PDCD6IP: variants seen among roughly 807,000 people sequenced by gnomAD.
The protein encoded by PDCD6IP is programmed cell death 6-interacting protein.
In PDCD6IP, 43 loss-of-function variants were observed where a neutral mutation model predicts 103.7. The ratio of observed to expected loss-of-function variants is 0.41; its 90% CI spans 0.32 to 0.53. The LOEUF is 0.53. PDCD6IP is among the 20% of genes least tolerant of loss of function. PDCD6IP has a pLI of 0.16. For synonymous variants in PDCD6IP, 354 were observed against 378.7 expected (o/e 0.93, Z 0.76); for missense variants, 871 against 1,036.7 (o/e 0.84, Z 2.20).
chr3:33,837,733 C>T (rs1356954154), intron 8 of PDCD6IP, among the ~76,000 whole-genome samples: 1 of 152,128 alleles, frequency 6.6e-6, no homozygotes, highest in East Asian at 1.9e-4. Context: ...GGACTACAGG[C>T]TCCTACCATT....
rs865775351 is a variant in PDCD6IP at position 33,852,396 on chromosome 3, C to T, written c.1642-92C>T. On this transcript the variant is annotated intron_variant, in intron 12 of 17. Transcript: ENST00000307296. ...CTCTGAGAAATCATCTCTCTCTCAG[C>T]CCGAATGAACCTTTATATATTATTT... 24 of 1,437,926 alleles carry T rather than the reference C, an allele frequency of 1.7e-5. No homozygotes were observed. The Middle Eastern group carries it at 3.7e-3, about 220-fold the overall frequency. 89.1% of individuals were successfully genotyped at this position (1,437,926 alleles called of 1,614,324 possible).
At chr3:33,801,024 A>G (rs1172873380) in intron 1 of PDCD6IP, among the ~76,000 whole-genome samples, 3 of 152,174 alleles carry the variant, frequency 2.0e-5, no homozygotes, top group Admixed American at 6.5e-5. Flanking sequence ...GAAACTAACC[A>G]TGTTTCTTTA....
At chr3:33,812,181 G>A (rs1338814200) in intron 2 of PDCD6IP, 55 bp downstream of exon 2, 23 of 1,557,458 alleles carry the variant, frequency 1.5e-5, no homozygotes, top group Non-Finnish European at 1.1e-5. Flanking sequence ...ATTTCCTTCT[G>A]CCAATATCTT....
chr3:33,846,751 A>G (rs1480114454), intron 12 of PDCD6IP, among the ~76,000 whole-genome samples: 1 of 152,222 alleles, frequency 6.6e-6, no homozygotes, highest in Non-Finnish European at 1.5e-5. Context: ...TTGTGACAGA[A>G]GGTTTACAGA....
intron 3 of PDCD6IP, among the ~76,000 whole-genome samples, chr3:33,815,191 A>G (rs993180894): frequency 6.6e-6 from 1 of 150,750 alleles, no homozygotes; most frequent in African/African-American, 2.4e-5. Flanking sequence ...TATAATGTTA[A>G]TTTAATAATA....
rs373934262 is a variant in PDCD6IP, at chr3:33,822,114, T to G, written c.462+32T>G. On this transcript the variant is annotated intron_variant, in intron 4 of 17. Coordinates refer to ENST00000307296, the MANE Select transcript of PDCD6IP (RefSeq NM_013374.6). ...TGAAAAGTAGTTACTACAATAATGG[T>G]CAACACTAAATTGGATTAAGTGGAA... The G allele has an allele frequency of 1.6e-5, 25 of 1,605,912 alleles. No individual in the cohort carries two copies. The African/African-American group carries it at 2.7e-4, about 17-fold the overall frequency.
At chr3:33,813,935 A>G (rs1311755919) in intron 3 of PDCD6IP, among the ~76,000 whole-genome samples, 1 of 152,230 alleles carries the variant, frequency 6.6e-6, no homozygotes. Context: ...TATATGAGGA[A>G]GAAAGTAATT....
chr3:33,821,537 G>A (rs1230266723), intron 3 of PDCD6IP, among the ~76,000 whole-genome samples: 3 of 152,034 alleles, frequency 2.0e-5, no homozygotes, highest in African/African-American at 7.2e-5. Flanking sequence ...GGAGGTAATT[G>A]CATTGACTTA....
chr3:33,863,980 A>G (rs1000411395), intron 15 of PDCD6IP, 26 bp from the exon 16 acceptor site: 1 of 1,530,962 alleles, frequency 6.5e-7, no homozygotes, highest in Non-Finnish European at 9.0e-7. Flanking sequence ...TATCATGTTA[A>G]TTTTTAACAC....
chr3:33,807,157 A>C (rs1013933861), intron 1 of PDCD6IP, among the ~76,000 whole-genome samples: 3 of 152,156 alleles, frequency 2.0e-5, no homozygotes, highest in Non-Finnish European at 4.4e-5. Flanking sequence ...TGGGTATAAA[A>C]ATTTTAGTGC....
At chr3:33,834,873 A>G (rs1697314406) in intron 7 of PDCD6IP, among the ~76,000 whole-genome samples, 1 of 152,128 alleles carries the variant, frequency 6.6e-6, no homozygotes, top group Admixed American at 6.5e-5. Context: ...CAAACTCGTT[A>G]ATTGTGTTGC....
intron 2 of PDCD6IP, among the ~76,000 whole-genome samples, chr3:33,812,419 T>A (rs1057487062): frequency 2.0e-5 from 3 of 152,224 alleles, no homozygotes; most frequent in African/African-American, 7.2e-5. Flanking sequence ...TTCCTTTGAC[T>A]TTTTCAGAAT....
Position 33,818,351 on chromosome 3 carries a change from G to A in PDCD6IP, c.335-3604G>A, listed in dbSNP as rs188299438. ...TCGAACTCCTGACCTCAAGAGCTCC[G>A]CCCACCTTGCCTTCCCAAAGTGCTG... On this transcript the variant is annotated intron_variant, in intron 3 of 17. Transcript: ENST00000307296. 3.3e-3 allele frequency among the ~76,000 whole-genome samples: 492 copies of A among 149,590 alleles called. 2 individuals are homozygous for A. The highest frequency in any genetic ancestry group is 3.2e-3 in the Non-Finnish European group (216 of 67,352).
intron 1 of PDCD6IP, among the ~76,000 whole-genome samples, chr3:33,802,395 GATA>G (rs959372229): frequency 6.6e-6 from 1 of 152,120 alleles, no homozygotes; most frequent in African/African-American, 2.4e-5. Flanking sequence ...AGGATAGACT[GATA>G]ATGATGTAGT....
chr3:33,807,253 T>C (rs1265856731), intron 1 of PDCD6IP, among the ~76,000 whole-genome samples: 2 of 152,244 alleles, frequency 1.3e-5, no homozygotes, highest in Non-Finnish European at 2.9e-5. Context: ...GTTTACTTTA[T>C]AGCAAGGGTC....
intron 10 of PDCD6IP, among the ~76,000 whole-genome samples, chr3:33,843,605 G>A (rs1467517266): frequency 3.3e-5 from 5 of 152,130 alleles, no homozygotes; most frequent in African/African-American, 1.2e-4. Flanking sequence ...TACATTGTTG[G>A]TGCTAGCACT....
intron 12 of PDCD6IP, among the ~76,000 whole-genome samples, chr3:33,851,326 A>C (rs1697708135): frequency 6.6e-6 from 1 of 151,830 alleles, no homozygotes; most frequent in African/African-American, 2.4e-5. Flanking sequence ...GTCTTAGCAA[A>C]GTATGAAGAG....
chr3:33,842,144 C>G (rs1468547291), intron 10 of PDCD6IP, 70 bp downstream of exon 10: 2 of 954,224 alleles, frequency 2.1e-6, no homozygotes, highest in African/African-American at 3.3e-5. Context: ...GGGATTGGGA[C>G]TGGAGACTTC....
chr3:33,809,680 T>C (rs998413878), intron 1 of PDCD6IP, among the ~76,000 whole-genome samples: 3 of 152,222 alleles, frequency 2.0e-5, no homozygotes, highest in African/African-American at 4.8e-5. Flanking sequence ...TTGCTGATTT[T>C]CCTAATATTA....
Sources: allele counts gnomAD v4.1 joint callset (sites outside exome capture counted in the v4.1 genomes callset), GRCh38; gene constraint gnomAD v4.1.1; transcripts MANE v1.5; gene names NCBI Gene and HGNC (gene_info 2026-07-23, HGNC 2026-07-21).